The following AHCYL2 variants were observed in gnomAD, a reference collection of about 807,000 sequenced individuals.
The protein encoded by AHCYL2 is S-adenosylhomocysteine hydrolase-like protein 2.
In AHCYL2, 28 loss-of-function variants were observed where a neutral mutation model predicts 81.4. The ratio of observed to expected loss-of-function variants is 0.34; its 90% confidence interval spans 0.25 to 0.47. The LOEUF (loss-of-function observed/expected upper bound fraction) is 0.47, where lower values mean the gene tolerates loss of function less well. Among genes scored for constraint, AHCYL2 ranks in the 20% least tolerant of loss-of-function variants. The pLI, the probability that AHCYL2 is intolerant of heterozygous loss-of-function variation, is 1.00. For missense variants in AHCYL2, 551 were observed against 785.1 expected (o/e 0.70, Z 3.56); for synonymous variants, 272 against 290.2 (o/e 0.94, Z 0.64).
chr7:129,297,688 A>G (rs1437694306), intron 1 of AHCYL2, among the ~76,000 whole-genome samples: 1 of 152,106 alleles, frequency 6.6e-6, no homozygotes, highest in Non-Finnish European at 1.5e-5. Flanking sequence ...AATGAGTGAA[A>G]GTATATGGTG....
At chr7:129,261,299 C>T (rs961608959) in intron 1 of AHCYL2, among the ~76,000 whole-genome samples, 9 of 152,178 alleles carry the variant, frequency 5.9e-5, no homozygotes, top group African/African-American at 1.9e-4. Context: ...TTATAAGCTA[C>T]CATTTAAATC....
intron 4 of AHCYL2, among the ~76,000 whole-genome samples, chr7:129,396,957 T>C (rs1187934626): frequency 6.6e-6 from 1 of 152,228 alleles, no homozygotes; most frequent in Admixed American, 6.5e-5. Context: ...GTTTTGGCTC[T>C]GAAGTCCTTG....
intron 1 of AHCYL2, among the ~76,000 whole-genome samples, chr7:129,333,624 A>G (rs1249812150): frequency 2.0e-5 from 3 of 152,164 alleles, no homozygotes; most frequent in Non-Finnish European, 2.9e-5. Flanking sequence ...AGATATGGGG[A>G]AAAAAAGTCA....
At chr7:129,262,779 G>A (rs543198813) in intron 1 of AHCYL2, among the ~76,000 whole-genome samples, 1 of 152,286 alleles carries the variant, frequency 6.6e-6, no homozygotes, top group African/African-American at 2.4e-5. Context: ...GCCAAGAGAT[G>A]GTCACTTCAG....
rs569247259 is a variant in AHCYL2 at position 129,303,056 on chromosome 7, A to G, written c.364-76582A>G. ...ACTCTTGTTGCCCAGGCTGGAGTGC[A>G]ATGACGTGATCTTGGCTCACCGCAA... On this transcript the variant is annotated intron_variant, in intron 1 of 16. Transcript: ENST00000325006. Among the ~76,000 whole-genome samples the G allele has an allele frequency of 2.0e-5, 3 of 152,232 alleles. No homozygotes were observed. The South Asian group carries it at 6.2e-4, about 32-fold the overall frequency.
intron 1 of AHCYL2, among the ~76,000 whole-genome samples, chr7:129,310,762 G>A (rs1409867695): frequency 6.6e-6 from 1 of 152,140 alleles, no homozygotes; most frequent in Non-Finnish European, 1.5e-5. Flanking sequence ...GGGAGTTAGA[G>A]TTGCTGGAGA....
intron 1 of AHCYL2, among the ~76,000 whole-genome samples, chr7:129,241,184 G>C (rs1794840177): frequency 6.6e-6 from 1 of 152,194 alleles, no homozygotes; most frequent in South Asian, 2.1e-4. Flanking sequence ...ATCACACCAA[G>C]GGAGCCAGAC....
chr7:129,416,133 A>C (rs1163414799), intron 12 of AHCYL2, among the ~76,000 whole-genome samples: 1 of 151,914 alleles, frequency 6.6e-6, no homozygotes, highest in Non-Finnish European at 1.5e-5. Flanking sequence ...TGTTGTATTT[A>C]TTATCTCCTC....
chr7:129,362,974 A>G (rs764371791), intron 1 of AHCYL2, among the ~76,000 whole-genome samples: 1 of 152,128 alleles, frequency 6.6e-6, no homozygotes, highest in Non-Finnish European at 1.5e-5. Flanking sequence ...CCCTAAGCAC[A>G]TACTCACTGA....
intron 1 of AHCYL2, among the ~76,000 whole-genome samples, chr7:129,255,720 C>T (rs1447733703): frequency 2.0e-5 from 3 of 152,274 alleles, no homozygotes; most frequent in East Asian, 3.9e-4. Context: ...CGGTGGTCCA[C>T]GCCTGTAATC....
At chr7:129,235,122 G>A (rs1794595451) in intron 1 of AHCYL2, among the ~76,000 whole-genome samples, 1 of 151,958 alleles carries the variant, frequency 6.6e-6, no homozygotes, top group African/African-American at 2.4e-5. Context: ...TTTTTTTTCA[G>A]TCCTCATCTT....
intron 1 of AHCYL2, among the ~76,000 whole-genome samples, chr7:129,345,976 TATAG>T (rs1793348093): frequency 6.6e-6 from 1 of 152,140 alleles, no homozygotes; most frequent in Non-Finnish European, 1.5e-5. Context: ...CAATTAAGTA[TATAG>T]ATCTGAGAGA....
At chr7:129,242,456 G>C (rs762946790) in intron 1 of AHCYL2, among the ~76,000 whole-genome samples, 1 of 151,926 alleles carries the variant, frequency 6.6e-6, no homozygotes, top group Non-Finnish European at 1.5e-5. Context: ...AGTGGCTCAC[G>C]CCTATAATCC....
chr7:129,262,917 T>C (rs1473064972), intron 1 of AHCYL2, among the ~76,000 whole-genome samples: 4 of 152,190 alleles, frequency 2.6e-5, no homozygotes, highest in Non-Finnish European at 4.4e-5. Flanking sequence ...AATCTTAAAA[T>C]AATCCAGGAT....
Position 129,368,599 on chromosome 7 carries a change from G to C in AHCYL2, c.364-11039G>C, listed in dbSNP as rs1236548978. The C allele has an allele frequency of 6.2e-7, 1 of 1,601,676 alleles. No individual in the cohort carries two copies. The highest frequency in any genetic ancestry group is 8.5e-7 in the Non-Finnish European group (1 of 1,170,070). On this transcript the variant is annotated intron_variant, in intron 1 of 16. Coordinates refer to ENST00000325006, the MANE Select transcript of AHCYL2 (RefSeq NM_015328.4). The surrounding 1 kb of genome is among the most constrained non-coding windows in gnomAD (Gnocchi z 4.4). ...TTCTCCTTCTGTTTCTTGATAATGA[G>C]AGGCAACCATTTCTGACGGGTGACA... is the stretch of plus-strand genomic sequence containing the variant.
rs560832840 is a variant in AHCYL2 at position 129,399,446 on chromosome 7, C to CA, written c.824-832dup. On this transcript the variant is annotated intron_variant, in intron 5 of 16. Transcript: ENST00000325006. ...TGGGTGACAGAGCAAGACTCCGTCT[C>CA]AAAAAAAAAAAAGAAAAGAAAAGTT... Among the ~76,000 whole-genome samples, 182 of 125,662 alleles carry CA rather than the reference C, an allele frequency of 1.4e-3. 1 individual carries two copies. The highest frequency in any genetic ancestry group is 5.2e-3 in the South Asian group (21 of 4,058). The allele number at this position is 125,662 out of a possible 152,430, so 82.4% of individuals were successfully genotyped here.
At chr7:129,414,499 C>G (rs1447663398) in intron 12 of AHCYL2, among the ~76,000 whole-genome samples, 6 of 143,450 alleles carry the variant, frequency 4.2e-5, no homozygotes, top group African/African-American at 5.1e-5. Context: ...CGGCTTACTG[C>G]AACCTCTGCC....
At chr7:129,270,256 C>A (rs1361914276) in intron 1 of AHCYL2, among the ~76,000 whole-genome samples, 1 of 152,130 alleles carries the variant, frequency 6.6e-6, no homozygotes, top group Non-Finnish European at 1.5e-5. Context: ...GACATACGTA[C>A]CTGCTTGATT....
At chr7:129,281,925 CT>C (rs1796461357) in intron 1 of AHCYL2, among the ~76,000 whole-genome samples, 1 of 152,166 alleles carries the variant, frequency 6.6e-6, no homozygotes, top group Admixed American at 6.5e-5. Context: ...TTTTGATGTA[CT>C]TTCATTTTCA....
Sources: allele counts gnomAD v4.1 joint callset (sites outside exome capture counted in the v4.1 genomes callset), GRCh38; gene constraint gnomAD v4.1.1; non-coding constraint Gnocchi (gnomAD v3.1); transcripts MANE v1.5; gene names NCBI Gene and HGNC (gene_info 2026-07-23, HGNC 2026-07-21).